The following NUFIP1 variants were observed in gnomAD, a reference collection of about 807,000 sequenced individuals.
The protein encoded by NUFIP1 is nuclear FMR1 interacting protein 1, also known as FMR1-interacting protein NUFIP1.
Under a neutral mutation model 56.2 loss-of-function variants are expected in NUFIP1, and 38 were observed. That is an observed-to-expected ratio of 0.68 (90% CI 0.52 to 0.89). The LOEUF is 0.89. Among genes scored for constraint, NUFIP1 ranks in the 40% least tolerant of loss-of-function variants. The probability of loss-of-function intolerance (pLI) is 0.00; values close to 1 mark genes in which losing one functional copy is unlikely to be tolerated. For missense variants in NUFIP1, 567 were observed against 605.8 expected (o/e 0.94, Z 0.67); for synonymous variants, 215 against 212.4 (o/e 1.01, Z -0.10).
chr13:44,941,279 T>G lies in NUFIP1; in HGVS notation c.1415A>C (p.Gln472Pro). 1 of 1,611,022 alleles carries G rather than the reference T, an allele frequency of 6.2e-7. No homozygotes were observed. The highest frequency in any genetic ancestry group is 2.2e-5 in the East Asian group (1 of 44,782). The change falls in exon 10 of 10, where the codon CAG becomes CCG. Residue 472 changes from glutamine to proline, a missense_variant. Physicochemically the swap from Gln to Pro is moderately conservative, Grantham distance 76 (BLOSUM62 -1). Coordinates refer to ENST00000379161, the MANE Select transcript of NUFIP1 (RefSeq NM_012345.3). Reference protein sequence around the residue: ...DIRHERNVILQCVRYIIKKDF... With the variant: ...DIRHERNVILPCVRYIIKKDF... ...TTTTTTGATGATGTACCGAACACACTGCAAAATCACATTTCTTTCATGTCG... is the reference window on the plus strand; with the variant it reads ...TTTTTTGATGATGTACCGAACACACGGCAAAATCACATTTCTTTCATGTCG...
chr13:44,988,964 G>T, intron 1 of NUFIP1, 61 bp downstream of exon 1: 1 of 1,537,672 alleles, frequency 6.5e-7, no homozygotes. Context: ...GCAGAGAAAG[G>T]GGAGAGGAAA....
intron 1 of NUFIP1, among the ~76,000 whole-genome samples, chr13:44,988,654 G>C (rs1020020676): frequency 6.6e-6 from 1 of 152,138 alleles, no homozygotes; most frequent in African/African-American, 2.4e-5. Flanking sequence ...CTGGTACATA[G>C]TCGGAATTCA....
chr13:44,985,715 C>T (rs1872360423), intron 1 of NUFIP1, among the ~76,000 whole-genome samples: 1 of 152,324 alleles, frequency 6.6e-6, no homozygotes, highest in East Asian at 1.9e-4. Context: ...TATGTTCTAA[C>T]TGCTCTACCA....
rs756510443 is a variant in NUFIP1, at chr13:44,989,155, G to T, written c.282C>A (p.Asp94Glu). The change falls in exon 1 of 10, where the codon GAC becomes GAA. Residue 94 changes from aspartate (D) to glutamate (E), a missense_variant. Transcript: ENST00000379161. Reference protein sequence around the residue: ...QILPGAQPPFDAQSPLDSQPQ... With the variant: ...QILPGAQPPFEAQSPLDSQPQ... ...GCTGAGAATCAAGGGGAGACTGGGC[G>T]TCGAAGGGGGGTTGCGCCCCGGGAA... 2 of 1,613,802 alleles carry T rather than the reference G, an allele frequency of 1.2e-6. No homozygotes were observed. Among genetic ancestry groups the T allele is most frequent in the Non-Finnish European group, 1.7e-6 (2 of 1,179,860 alleles).
intron 9 of NUFIP1, among the ~76,000 whole-genome samples, chr13:44,942,186 T>C (rs1344529422): frequency 1.3e-5 from 2 of 152,190 alleles, no homozygotes; most frequent in Non-Finnish European, 2.9e-5. Context: ...ACAATGAAAA[T>C]AGCAGTAAAA....
At chr13:44,974,747 T>C (rs1321345581) in intron 5 of NUFIP1, among the ~76,000 whole-genome samples, 3 of 152,168 alleles carry the variant, frequency 2.0e-5, no homozygotes, top group Non-Finnish European at 2.9e-5. Context: ...ACCAAGGGTA[T>C]CACTTGGTTG....
intron 7 of NUFIP1, among the ~76,000 whole-genome samples, chr13:44,954,812 C>T (rs554052845): frequency 6.6e-6 from 1 of 152,336 alleles, no homozygotes; most frequent in Admixed American, 6.5e-5. Context: ...GTATCCATGA[C>T]ACCTGATGTG....
intron 6 of NUFIP1, among the ~76,000 whole-genome samples, chr13:44,963,882 T>C (rs1273974684): frequency 6.6e-6 from 1 of 152,236 alleles, no homozygotes; most frequent in Admixed American, 6.5e-5. Context: ...CTTCTTGTTG[T>C]TGCACTGACT....
At chr13:44,975,794 T>C (rs969062976) in intron 5 of NUFIP1, among the ~76,000 whole-genome samples, 2 of 152,206 alleles carry the variant, frequency 1.3e-5, no homozygotes, top group African/African-American at 4.8e-5. Context: ...GAAAGTGCTA[T>C]AGACATCGTA....
At chr13:44,961,789 G>A (rs566491406) in intron 6 of NUFIP1, among the ~76,000 whole-genome samples, 59 of 152,216 alleles carry the variant, frequency 3.9e-4, no homozygotes, top group African/African-American at 1.3e-3. Flanking sequence ...TGCCTTCCCC[G>A]TTATCTTTTC....
At chr13:44,982,369 T>G (rs1481002608) in intron 1 of NUFIP1, among the ~76,000 whole-genome samples, 1 of 152,164 alleles carries the variant, frequency 6.6e-6, no homozygotes, top group Non-Finnish European at 1.5e-5. Context: ...TGATTATATG[T>G]CCACAGAAAC....
At chr13:44,955,302 T>C (rs1216003703) in intron 7 of NUFIP1, among the ~76,000 whole-genome samples, 1 of 152,158 alleles carries the variant, frequency 6.6e-6, no homozygotes, top group Non-Finnish European at 1.5e-5. Context: ...GGCTTTCCCA[T>C]CAAAACAATG....
At chr13:44,988,603 A>G (rs79499785) in intron 1 of NUFIP1, among the ~76,000 whole-genome samples, 4 of 152,184 alleles carry the variant, frequency 2.6e-5, no homozygotes, top group Non-Finnish European at 4.4e-5. Context: ...AAGCTCCATA[A>G]TATTTTTTGT....
intron 1 of NUFIP1, 145 bp downstream of exon 1, chr13:44,988,880 G>A: frequency 1.4e-6 from 1 of 732,362 alleles, no homozygotes; most frequent in Non-Finnish European, 2.2e-6. Flanking sequence ...GTAGAGACGG[G>A]GGTCTCACTT....
chr13:44,980,052 T>C (rs1363973930), intron 3 of NUFIP1, 100 bp from the exon 4 acceptor site: 9 of 818,542 alleles, frequency 1.1e-5, no homozygotes, highest in South Asian at 3.5e-5. Context: ...CTGTATTACA[T>C]AGTTATCCCA....
chr13:44,984,254 A>G (rs1593371868), intron 1 of NUFIP1, among the ~76,000 whole-genome samples: 1 of 152,194 alleles, frequency 6.6e-6, no homozygotes, highest in Non-Finnish European at 1.5e-5. Context: ...ATATGCCTCT[A>G]TCATCAGTCA....
chr13:44,989,172 C>T lies in NUFIP1; in HGVS notation c.265G>A (p.Ala89Thr). The change falls in exon 1 of 10, where the codon GCG becomes ACG. Residue 89 changes from alanine (A) to threonine (T), a missense_variant. By Grantham distance (58) the Ala-to-Thr change is moderately conservative. Transcript: ENST00000379161. ...PPFDAQILPG[A>T]QPPFDAQSPL... Reference sequence around the variant, plus strand: ...GACTGGGCGTCGAAGGGGGGTTGCGCCCCGGGAAGAATCTGGGCGTCGAAG... The same window carrying T: ...GACTGGGCGTCGAAGGGGGGTTGCGTCCCGGGAAGAATCTGGGCGTCGAAG... The T allele has an allele frequency of 1.2e-6, 2 of 1,613,046 alleles. No homozygotes were observed. The highest frequency in any genetic ancestry group is 1.7e-6 in the Non-Finnish European group (2 of 1,179,534).
intron 5 of NUFIP1, among the ~76,000 whole-genome samples, chr13:44,977,973 C>A (rs1174066240): frequency 6.6e-6 from 1 of 152,188 alleles, no homozygotes; most frequent in Non-Finnish European, 1.5e-5. Context: ...CACTTGAAAC[C>A]AGCAGGTGGA....
chr13:44,947,234 CTTT>C (rs899115570), intron 8 of NUFIP1, among the ~76,000 whole-genome samples: 15 of 124,294 alleles, frequency 1.2e-4, no homozygotes, highest in Middle Eastern at 4.3e-3. Flanking sequence ...AAGCTTATTC[CTTT>C]TTTTTTTTTT....
Sources: allele counts gnomAD v4.1 joint callset (sites outside exome capture counted in the v4.1 genomes callset), GRCh38; gene constraint gnomAD v4.1.1; transcripts MANE v1.5; gene names NCBI Gene and HGNC (gene_info 2026-07-23, HGNC 2026-07-21).